The following SLC10A1 variants were observed in gnomAD, a reference collection of about 807,000 sequenced individuals.
SLC10A1 encodes hepatic sodium/bile acid cotransporter.
In SLC10A1, 36 loss-of-function variants were observed where a neutral mutation model predicts 20.5. The ratio of observed to expected loss-of-function variants is 1.75; its 90% CI spans 1.34 to 2.32. The LOEUF (loss-of-function observed/expected upper bound fraction) is 2.32. Among genes scored for constraint, SLC10A1 ranks in the 30% most tolerant of loss-of-function variants. The pLI is 0.00. For missense variants in SLC10A1, 545 were observed against 439.1 expected, an observed-to-expected ratio of 1.24 and a Z score of -2.16; for synonymous variants, 188 against 163.6, an observed-to-expected ratio of 1.15 and a Z score of -1.14.
chr14:69,790,772 A>G (rs1178882721), intron 1 of SLC10A1, among the ~76,000 whole-genome samples: 1 of 152,076 alleles, frequency 6.6e-6, no homozygotes, highest in African/African-American at 2.4e-5. Context: ...TATACTATAT[A>G]TAGGCCCTAG....
At chr14:69,791,834 T>C (rs1883849168) in intron 1 of SLC10A1, among the ~76,000 whole-genome samples, 2 of 152,212 alleles carry the variant, frequency 1.3e-5, no homozygotes, top group Admixed American at 6.5e-5. Flanking sequence ...ATAAAATTAG[T>C]TCATGCCATA....
intron 1 of SLC10A1, among the ~76,000 whole-genome samples, chr14:69,792,603 A>G (rs1484753863): frequency 6.6e-6 from 1 of 152,246 alleles, no homozygotes; most frequent in Non-Finnish European, 1.5e-5. Context: ...GAACGTGTGA[A>G]GTGAACAATG....
At chr14:69,796,412 C>T (rs967571505) in intron 1 of SLC10A1, among the ~76,000 whole-genome samples, 9 of 152,168 alleles carry the variant, frequency 5.9e-5, no homozygotes, top group Middle Eastern at 3.2e-3. Flanking sequence ...ATGTTTGGAA[C>T]GAATCACACT....
In SLC10A1 at chr14:69,797,033, C is replaced by T. The variant is rs973433590; in HGVS notation, c.123G>A (p.Ser41=). ...LVFMLFFIML[S]LGCTMEFSKI... The stretch of plus-strand genomic sequence containing the variant: ...TGCTGAACTCCATGGTGCAGCCCAG[C>T]GAGAGCATGATGAAGAACAACATGA... Residue 41 remains serine, a synonymous_variant, in exon 1 of 5, where the codon TCG becomes TCA. Transcript: ENST00000216540. The T allele has an allele frequency of 5.6e-6, 9 of 1,614,202 alleles. No individual in the cohort carries two copies. The highest frequency in any genetic ancestry group is 1.6e-4 in the Middle Eastern group (1 of 6,062).
chr14:69,795,076 C>T (rs1882363197), intron 1 of SLC10A1, among the ~76,000 whole-genome samples: 2 of 152,198 alleles, frequency 1.3e-5, no homozygotes, highest in Admixed American at 1.3e-4. Context: ...ATCCCTCATA[C>T]ACCAAAATTC....
chr14:69,778,571 T>G, intron 3 of SLC10A1, 42 bp from the exon 4 acceptor site: 3 of 1,517,672 alleles, frequency 2.0e-6, no homozygotes, highest in Non-Finnish European at 2.7e-6. Flanking sequence ...CAGAGGGAAC[T>G]GGAGGGAGCA....
At chr14:69,787,460 C>T (rs935405291) in intron 1 of SLC10A1, among the ~76,000 whole-genome samples, 1 of 152,150 alleles carries the variant, frequency 6.6e-6, no homozygotes, top group East Asian at 1.9e-4. Context: ...AGGAAAACCA[C>T]ACTCAGTGTG....
At chr14:69,791,074 A>G (rs1883827244) in intron 1 of SLC10A1, among the ~76,000 whole-genome samples, 2 of 152,258 alleles carry the variant, frequency 1.3e-5, no homozygotes, top group Middle Eastern at 6.8e-3. Flanking sequence ...GATCTTTATG[A>G]AAGAAATTAC....
intron 2 of SLC10A1, among the ~76,000 whole-genome samples, chr14:69,780,218 T>C (rs570184376): frequency 2.6e-5 from 4 of 152,352 alleles, no homozygotes; most frequent in East Asian, 1.9e-4. Context: ...AATGAAATTA[T>C]AGGGTTTTTC....
intron 2 of SLC10A1, among the ~76,000 whole-genome samples, chr14:69,780,621 C>A (rs1487834458): frequency 1.3e-5 from 2 of 152,184 alleles, no homozygotes; most frequent in Non-Finnish European, 2.9e-5. Flanking sequence ...TTCAGCTGCA[C>A]AGCTTTGTGT....
chr14:69,783,301 GATAA>G (rs747568297), intron 2 of SLC10A1, among the ~76,000 whole-genome samples: 6 of 152,018 alleles, frequency 3.9e-5, no homozygotes, highest in Non-Finnish European at 8.8e-5. Flanking sequence ...CTTGCTTCTT[GATAA>G]ATGAGTGGGG....
intron 4 of SLC10A1, among the ~76,000 whole-genome samples, chr14:69,778,116 T>G (rs1883491424): frequency 6.6e-6 from 1 of 152,206 alleles, no homozygotes; most frequent in East Asian, 1.9e-4. Context: ...ATCTGCAATT[T>G]CATTCTCCCA....
At position 69,778,355 on chromosome 14, in the gene SLC10A1, A is replaced by G. The variant is rs761497776; in HGVS notation, c.921T>C (p.Tyr307=). ...GLLLIAIFWC[Y]EKFKTPKDKT... is the part of the protein sequence containing the mutation. The stretch of plus-strand genomic sequence containing the variant: ...CACCCTTGGGAGTCTTGAATTTCTC[A>G]TAGCACCAAAATATGGCAATGAGGA... Residue 307 remains tyrosine, a synonymous_variant, in exon 4 of 5, where the codon TAT becomes TAC. Transcript: ENST00000216540. 3 of 1,609,022 alleles carry G rather than the reference A, an allele frequency of 1.9e-6. No homozygotes were observed. In the African/African-American group the frequency reaches 4.0e-5, roughly 22 times the overall value.
rs889819880 is a variant in SLC10A1, at chr14:69,775,590, T to G, written c.*692A>C. The G allele has an allele frequency of 4.6e-5, 7 of 152,206 alleles. No homozygotes were observed. The highest frequency in any genetic ancestry group is 4.4e-5 in the Non-Finnish European group (3 of 68,034). The allele number at this position is 152,206 out of a possible 1,614,324, so 9.4% of individuals were successfully genotyped here. ...TACCTACTGAACTTAAAAAAGAGAT[T>G]ATTAGTGAGGTAACATTGTGTTAAT... On this transcript the variant is annotated 3_prime_UTR_variant, in exon 5 of 5. Coordinates refer to ENST00000216540, the MANE Select transcript of SLC10A1 (RefSeq NM_003049.4).
intron 2 of SLC10A1, among the ~76,000 whole-genome samples, chr14:69,783,926 G>A (rs540052469): frequency 6.6e-6 from 1 of 152,314 alleles, no homozygotes; most frequent in South Asian, 2.1e-4. Flanking sequence ...CAGTGCCACC[G>A]ACTGAGATAA....
chr14:69,791,389 C>T (rs950221618), intron 1 of SLC10A1, among the ~76,000 whole-genome samples: 1 of 152,054 alleles, frequency 6.6e-6, no homozygotes, highest in African/African-American at 2.4e-5. Context: ...CAAGCTCTGC[C>T]TCCCGGGTTC....
chr14:69,795,702 C>T (rs36115704), intron 1 of SLC10A1, among the ~76,000 whole-genome samples: 54,592 of 151,850 alleles, frequency 0.36, 10,737 homozygotes, highest in East Asian at 0.55. Context: ...TGTGAGCCAC[C>T]GTGCCCAGCC....
In SLC10A1 at chr14:69,776,255, C is replaced by G; in HGVS notation, c.*27G>C. ...ACTGGCTTTCAGAATTGCTTTGGGACCAGAATCCAGGCCACCAGGGGAAGG... is the reference window on the plus strand; with the variant it reads ...ACTGGCTTTCAGAATTGCTTTGGGAGCAGAATCCAGGCCACCAGGGGAAGG... On this transcript the variant is annotated 3_prime_UTR_variant, in exon 5 of 5. Transcript: ENST00000216540. The G allele has an allele frequency of 6.4e-7, 1 of 1,572,050 alleles. No homozygotes were observed. Among genetic ancestry groups the G allele is most frequent in the Non-Finnish European group, 8.7e-7 (1 of 1,146,384 alleles).
At chr14:69,786,683 A>G (rs893437766) in intron 1 of SLC10A1, among the ~76,000 whole-genome samples, 7 of 152,196 alleles carry the variant, frequency 4.6e-5, no homozygotes, top group African/African-American at 1.4e-4. Flanking sequence ...TAGAAAGCCA[A>G]CTGTGTGATT....
Sources: gnomAD v4.1 joint callset for allele counts (sites outside exome capture counted in the v4.1 genomes callset) on GRCh38, gnomAD v4.1.1 for gene constraint, MANE v1.5 for transcripts, NCBI Gene and HGNC (gene_info 2026-07-23, HGNC 2026-07-21) for gene names.